CENPQ: variants seen among roughly 807,000 people sequenced by gnomAD.
CENPQ encodes the protein centromere protein Q, also known as chromosome 6 open reading frame 139.
CENPQ carries 27 observed loss-of-function variants against 36.6 expected under a neutral mutation model. That is an observed-to-expected ratio of 0.74 (90% CI 0.54 to 1.02). The LOEUF (loss-of-function observed/expected upper bound fraction) is 1.02. Ranked by LOEUF, CENPQ falls within the 50% of genes least tolerant of loss-of-function variation. The probability of loss-of-function intolerance (pLI) is 0.00; values close to 1 mark genes in which losing one functional copy is unlikely to be tolerated. For missense variants in CENPQ, 306 were observed against 301.8 expected, an observed-to-expected ratio of 1.01 and a Z score of -0.10; for synonymous variants, 101 against 101.7, an observed-to-expected ratio of 0.99 and a Z score of 0.04.
intron 3 of CENPQ, 67 bp downstream of exon 3, chr6:49,471,095 A>C (rs1768123503): frequency 1.1e-6 from 1 of 943,262 alleles, no homozygotes; most frequent in East Asian, 2.8e-5. Context: ...TCGTGAAAAA[A>C]TGTTCAGCAT....
In CENPQ at chr6:49,471,017, T is replaced by C. The variant is rs749027275; in HGVS notation, c.146T>C (p.Leu49Pro). The change falls in exon 3 of 9, where the codon CTG (leucine) becomes CCG (proline). Residue 49 changes from leucine (L) to proline (P), a missense_variant. Transcript: ENST00000335783. The stretch of plus-strand genomic sequence containing the variant: ...AAAAATAAAAATCATCTGAAAGATC[T>C]GTCTTCTGAAGGTATTTCTTTTCTA... ...VKKNKNHLKD[L>P]SSEGQTKHTN... 3 of 1,523,120 alleles carry C rather than the reference T, an allele frequency of 2.0e-6. No individual in the cohort carries two copies. Among genetic ancestry groups the C allele is most frequent in the South Asian group, 2.6e-5 (2 of 76,618 alleles). The allele number at this position is 1,523,120 out of a possible 1,614,324, so 94.4% of individuals were successfully genotyped here. A position where few individuals can be genotyped will look rare whatever the true frequency, so the allele number is the denominator to read the frequency against.
intron 5 of CENPQ, 30 bp from the exon 6 acceptor site, chr6:49,480,921 C>T (rs749464495): frequency 6.7e-7 from 1 of 1,498,248 alleles, no homozygotes; most frequent in Non-Finnish European, 9.0e-7. Context: ...CAAAAATAAA[C>T]AAAATAATTG....
At chr6:49,463,867 A>G (rs967640698) in intron 1 of CENPQ, among the ~76,000 whole-genome samples, 2 of 152,118 alleles carry the variant, frequency 1.3e-5, no homozygotes, top group Admixed American at 6.5e-5. Context: ...AAAACAAGAC[A>G]ACCTAGAATG....
Position 49,488,682 on chromosome 6 carries a change from C to A in CENPQ, c.673C>A (p.Gln225Lys). 6.2e-7 allele frequency: 1 copy of A among 1,609,672 alleles called. No individual in the cohort carries two copies. The highest frequency in any genetic ancestry group is 1.1e-5 in the South Asian group (1 of 90,974). ...GAAAACTCTCAAAGCACCCACACTT[C>A]AGGTAAGTGCCTATTTACCATATTG... ...SQKTLKAPTL[Q>K]KEILALIPNQ... The change falls in exon 8 of 9, where the codon CAG becomes AAG. Residue 225 changes from glutamine (Q) to lysine (K), a missense_variant and splice_region_variant. By Grantham distance (53) the Gln-to-Lys change is moderately conservative (BLOSUM62 1). Transcript: ENST00000335783.
rs949612972 is a variant in CENPQ, at chr6:49,483,790, C to T, written c.477+2710C>T. Among the ~76,000 whole-genome samples, 14 of 152,360 alleles carry T rather than the reference C, an allele frequency of 9.2e-5. No homozygotes were observed. In the East Asian group the frequency reaches 2.7e-3, roughly 30 times the overall value. On this transcript the variant is annotated intron_variant, in intron 6 of 8. Coordinates refer to ENST00000335783, the MANE Select transcript of CENPQ (RefSeq NM_018132.4). Reference sequence around the variant, plus strand: ...CGGGCGCAGCCCCGGTTCCCGCTCGCGCCTCTCCCTCCACACCTCCCTGCA... The same window carrying T: ...CGGGCGCAGCCCCGGTTCCCGCTCGTGCCTCTCCCTCCACACCTCCCTGCA...
chr6:49,470,370 G>T, intron 2 of CENPQ, 92 bp downstream of exon 2: 1 of 666,020 alleles, frequency 1.5e-6, no homozygotes, highest in Non-Finnish European at 2.5e-6. Context: ...TTGGGAGGCC[G>T]AGGTGGGTGG....
At chr6:49,480,677 G>T (rs1284215369) in intron 5 of CENPQ, among the ~76,000 whole-genome samples, 1 of 152,130 alleles carries the variant, frequency 6.6e-6, no homozygotes, top group East Asian at 1.9e-4. Context: ...GTTTTAAAAT[G>T]TATATAAATT....
At chr6:49,473,616 C>T (rs943098027) in intron 5 of CENPQ, among the ~76,000 whole-genome samples, 7 of 152,132 alleles carry the variant, frequency 4.6e-5, no homozygotes, top group South Asian at 4.1e-4. Context: ...CATCAACTAA[C>T]GAGCAAAATA....
chr6:49,465,759 G>A (rs937798835), intron 1 of CENPQ, among the ~76,000 whole-genome samples: 10 of 152,268 alleles, frequency 6.6e-5, no homozygotes, highest in East Asian at 1.9e-4. Flanking sequence ...CCATGAATTC[G>A]TCTTTGGTTT....
Position 49,471,007 on chromosome 6 carries a change from C to T in CENPQ, c.136C>T (p.Leu46=). The change falls in exon 3 of 9, where the codon CTG becomes TTG. Residue 46 remains leucine (L), a synonymous_variant. Coordinates refer to ENST00000335783, the MANE Select transcript of CENPQ (RefSeq NM_018132.4). ...CACAGTGAAAAAAAATAAAAATCAT[C>T]TGAAAGATCTGTCTTCTGAAGGTAT... ...RNTVKKNKNH[L]KDLSSEGQTK... 1 of 1,529,252 alleles carries T rather than the reference C, an allele frequency of 6.5e-7. No homozygotes were observed. The highest frequency in any genetic ancestry group is 1.3e-5 in the South Asian group (1 of 77,878). 94.7% of individuals were successfully genotyped at this position (1,529,252 alleles called of 1,614,324 possible).
intron 5 of CENPQ, among the ~76,000 whole-genome samples, chr6:49,474,140 A>G (rs1768215452): frequency 6.6e-6 from 1 of 152,170 alleles, no homozygotes; most frequent in African/African-American, 2.4e-5. Flanking sequence ...ATATACAGTA[A>G]TTGAACTCAG....
At chr6:49,467,035 C>T (rs569727832) in intron 1 of CENPQ, among the ~76,000 whole-genome samples, 72 of 152,274 alleles carry the variant, frequency 4.7e-4, no homozygotes, top group African/African-American at 1.7e-3. Context: ...TAGCATCTGA[C>T]GGTCTACGTA....
intron 1 of CENPQ, among the ~76,000 whole-genome samples, chr6:49,464,801 C>T (rs946141033): frequency 2.6e-5 from 4 of 152,194 alleles, no homozygotes; most frequent in Non-Finnish European, 5.9e-5. Context: ...GCCACCAGAT[C>T]TTTCATCACT....
intron 1 of CENPQ, among the ~76,000 whole-genome samples, chr6:49,469,303 G>A (rs1054018162): frequency 1.3e-5 from 2 of 152,018 alleles, no homozygotes; most frequent in African/African-American, 4.8e-5. Context: ...ATCTAGCTAT[G>A]GCTAATATGT....
Position 49,479,215 on chromosome 6 carries a change from T to C in CENPQ, c.348-1736T>C, listed in dbSNP as rs573701644. Among the ~76,000 whole-genome samples, 42 of 152,290 alleles carry C rather than the reference T, an allele frequency of 2.8e-4. No homozygotes were observed. The South Asian group carries it at 7.9e-3, about 29-fold the overall frequency. ...TTTTTCTTTACAAAAATTAAAATTT[T>C]ATTTGCAAACAATGCATCAAACAAA... On this transcript the variant is annotated intron_variant, in intron 5 of 8. Transcript: ENST00000335783.
chr6:49,472,037 A>G (rs919016968), intron 3 of CENPQ, 26 bp from the exon 4 acceptor site: 7 of 1,591,438 alleles, frequency 4.4e-6, no homozygotes, highest in Non-Finnish European at 8.5e-7. Context: ...TAGATTGATC[A>G]GAGCCTCTTC....
intron 8 of CENPQ, among the ~76,000 whole-genome samples, chr6:49,491,707 G>T (rs2127428880): frequency 6.6e-6 from 1 of 152,304 alleles, no homozygotes; most frequent in African/African-American, 2.4e-5. Flanking sequence ...CCTGAGGTCA[G>T]GAGTTCGAGA....
chr6:49,477,492 A>G (rs1768324565), intron 5 of CENPQ, among the ~76,000 whole-genome samples: 1 of 151,740 alleles, frequency 6.6e-6, no homozygotes, highest in Non-Finnish European at 1.5e-5. Context: ...GGTACAGCAC[A>G]CCACATGGCA....
Position 49,488,336 on chromosome 6 carries a change from T to C in CENPQ, c.478-16T>C, listed in dbSNP as rs761952956. The C allele has an allele frequency of 7.0e-6, 11 of 1,569,270 alleles. No homozygotes were observed. Among genetic ancestry groups the C allele is most frequent in the Non-Finnish European group, 8.6e-6 (10 of 1,157,306 alleles). On this transcript the variant is annotated splice_polypyrimidine_tract_variant and intron_variant, in intron 6 of 8. Coordinates refer to ENST00000335783, the MANE Select transcript of CENPQ (RefSeq NM_018132.4). ...TGTGTTTAAGTTAAAATGTTTTTTT[T>C]CTCTTTCTGACTCAGGAAGAAATAG...
Sources: allele counts gnomAD v4.1 joint callset (sites outside exome capture counted in the v4.1 genomes callset), GRCh38; gene constraint gnomAD v4.1.1; transcripts MANE v1.5; gene names NCBI Gene and HGNC (gene_info 2026-07-23, HGNC 2026-07-21).